The following POLN variants were observed in gnomAD, a reference collection of about 807,000 sequenced individuals.
The protein encoded by POLN is DNA polymerase nu.
POLN carries 108 observed loss-of-function variants against 113.5 expected under a neutral mutation model. That is an observed-to-expected ratio of 0.95 (90% confidence interval 0.81 to 1.12). The LOEUF is 1.12. Among genes scored for constraint, POLN ranks in the 50% most tolerant of loss-of-function variants. The pLI, the probability that POLN is intolerant of heterozygous loss-of-function variation, is 0.00. For synonymous variants in POLN, 386 were observed against 391.5 expected, an observed-to-expected ratio of 0.99 and a Z score of 0.17; for missense variants, 1,097 against 1,077.1, an observed-to-expected ratio of 1.02 and a Z score of -0.26.
At chr4:2,215,002 A>C (rs1734078486) in intron 3 of POLN, among the ~76,000 whole-genome samples, 1 of 152,096 alleles carries the variant, frequency 6.6e-6, no homozygotes, top group Non-Finnish European at 1.5e-5. Flanking sequence ...AATAATATCC[A>C]TCATCTAACC....
chr4:2,215,069 C>T (rs554387292), intron 3 of POLN, among the ~76,000 whole-genome samples: 1 of 152,196 alleles, frequency 6.6e-6, no homozygotes, highest in East Asian at 1.9e-4. Context: ...ATATATGCAA[C>T]AGTAAACAGG....
chr4:2,217,963 G>A (rs1257687919), intron 3 of POLN, among the ~76,000 whole-genome samples: 2 of 152,196 alleles, frequency 1.3e-5, no homozygotes, highest in Admixed American at 6.5e-5. Flanking sequence ...AGGATGACTC[G>A]ACCAGTTAAC....
intron 19 of POLN, among the ~76,000 whole-genome samples, chr4:2,107,969 C>T (rs1443632400): frequency 6.6e-6 from 1 of 152,206 alleles, no homozygotes; most frequent in East Asian, 1.9e-4. Context: ...CCCATGACAC[C>T]TTTGCGATGC....
In POLN at chr4:2,193,853, G is replaced by A. The variant is rs1733512874; in HGVS notation, c.909-537C>T. Among the ~76,000 whole-genome samples the A allele has an allele frequency of 2.6e-5, 4 of 152,162 alleles. No individual in the cohort carries two copies. The South Asian group carries it at 8.3e-4, about 32-fold the overall frequency. On this transcript the variant is annotated intron_variant, in intron 6 of 25. Coordinates refer to ENST00000511885, the MANE Select transcript of POLN (RefSeq NM_181808.4). ...AGGTATGCCCTAATTCCCCAGGCAG[G>A]GGGCTGCTCCCTCTTCTGTATCTCT... is the stretch of plus-strand genomic sequence containing the variant.
intron 19 of POLN, among the ~76,000 whole-genome samples, chr4:2,111,815 C>T: frequency 6.6e-6 from 1 of 152,110 alleles, no homozygotes; most frequent in Non-Finnish European, 1.5e-5. Context: ...GCCATACTGC[C>T]CAAGGTAATT....
intron 3 of POLN, among the ~76,000 whole-genome samples, chr4:2,213,678 G>T (rs997137367): frequency 6.6e-6 from 1 of 152,160 alleles, no homozygotes; most frequent in South Asian, 2.1e-4. Context: ...AACCTGAAAT[G>T]CAAATAGGGG....
chr4:2,140,775 G>A (rs1003248536), intron 16 of POLN: 5 of 152,136 alleles, frequency 3.3e-5, no homozygotes, highest in African/African-American at 1.2e-4. Context: ...GCCACTTGTG[G>A]AGGACACAGC....
chr4:2,157,419 T>C (rs558940030), intron 15 of POLN, among the ~76,000 whole-genome samples: 1 of 152,222 alleles, frequency 6.6e-6, no homozygotes, highest in Non-Finnish European at 1.5e-5. Context: ...TCATGGCTCA[T>C]AGTTTCAAGA....
chr4:2,183,337 A>G (rs1004328917), intron 7 of POLN, among the ~76,000 whole-genome samples: 6 of 152,224 alleles, frequency 3.9e-5, no homozygotes, highest in Middle Eastern at 3.2e-3. Flanking sequence ...TGTCCACGCA[A>G]AGACCTTTAC....
At chr4:2,130,677 TGG>T (rs1731706010) in intron 17 of POLN, among the ~76,000 whole-genome samples, 1 of 152,016 alleles carries the variant, frequency 6.6e-6, no homozygotes, top group Admixed American at 6.6e-5. Context: ...GGGAGGCTGG[TGG>T]GGGAGAGATG....
chr4:2,211,572 T>C (rs1301608087), intron 4 of POLN, among the ~76,000 whole-genome samples: 1 of 151,744 alleles, frequency 6.6e-6, no homozygotes, highest in African/African-American at 2.4e-5. Context: ...GCCCAGGAGT[T>C]TGAGACCAGC....
intron 13 of POLN, among the ~76,000 whole-genome samples, chr4:2,161,022 ACT>A (rs1337772844): frequency 1.3e-5 from 2 of 152,024 alleles, no homozygotes; most frequent in East Asian, 1.9e-4. Flanking sequence ...TGTGAGACAC[ACT>A]CTCTCTCCCT....
intron 20 of POLN, among the ~76,000 whole-genome samples, chr4:2,086,827 TTG>T (rs1339437038): frequency 2.0e-5 from 3 of 151,958 alleles, no homozygotes; most frequent in African/African-American, 7.3e-5. Flanking sequence ...AACTCTAGGG[TTG>T]TACTAGAGGG....
chr4:2,125,297 G>A (rs1043657228), intron 19 of POLN, among the ~76,000 whole-genome samples: 1 of 152,196 alleles, frequency 6.6e-6, no homozygotes, highest in Admixed American at 6.5e-5. Flanking sequence ...TTTGAGACAG[G>A]AGCCATTGGA....
chr4:2,139,084 A>G (rs1731932253), intron 16 of POLN, among the ~76,000 whole-genome samples: 1 of 152,168 alleles, frequency 6.6e-6, no homozygotes, highest in African/African-American at 2.4e-5. Context: ...ACCCTTGACC[A>G]CAACAAATGG....
At chr4:2,233,678 GC>G (rs1391391578) in intron 2 of POLN, among the ~76,000 whole-genome samples, 5 of 152,066 alleles carry the variant, frequency 3.3e-5, no homozygotes, top group Non-Finnish European at 4.4e-5. Flanking sequence ...TTTAACATAT[GC>G]CCAAGAGTGG....
intron 16 of POLN, among the ~76,000 whole-genome samples, chr4:2,144,034 A>G (rs1475019482): frequency 6.6e-6 from 1 of 152,056 alleles, no homozygotes; most frequent in Non-Finnish European, 1.5e-5. Flanking sequence ...AAAATATCAT[A>G]TATTTTAAAT....
At chr4:2,189,678 C>T (rs545678329) in intron 7 of POLN, among the ~76,000 whole-genome samples, 1 of 150,938 alleles carries the variant, frequency 6.6e-6, no homozygotes, top group Admixed American at 6.6e-5. Flanking sequence ...TTACATGAAG[C>T]AATCAAAGAG....
Position 2,126,583 on chromosome 4 carries a change from C to T in POLN, c.1982+1530G>A, listed in dbSNP as rs960974377. 6.6e-6 allele frequency among the ~76,000 whole-genome samples: 1 copy of T among 151,932 alleles called. No individual in the cohort carries two copies. Among genetic ancestry groups the T allele is most frequent in the Non-Finnish European group, 1.5e-5 (1 of 67,964 alleles). On this transcript the variant is annotated intron_variant, in intron 19 of 25. Coordinates refer to ENST00000511885, the MANE Select transcript of POLN (RefSeq NM_181808.4). This position sits in a 1 kb window ranked among gnomAD's most constrained non-coding sequence, Gnocchi z 4.6. The stretch of plus-strand genomic sequence containing the variant: ...AGCAGAGACCAGAGAGGAGCGGAGA[C>T]CAGAGAGAAGCGGAGACCAGAGAGG...
Sources: allele counts gnomAD v4.1 joint callset (sites outside exome capture counted in the v4.1 genomes callset), GRCh38; gene constraint gnomAD v4.1.1; non-coding constraint Gnocchi (gnomAD v3.1); transcripts MANE v1.5; gene names NCBI Gene and HGNC (gene_info 2026-07-23, HGNC 2026-07-21).